Variants in MTDH observed in about 807,000 individuals in gnomAD.
MTDH encodes the protein protein LYRIC.
Under a neutral mutation model 72.7 loss-of-function variants are expected in MTDH, and 34 were observed. That is an observed-to-expected ratio of 0.47 (90% CI 0.36 to 0.62). The LOEUF (loss-of-function observed/expected upper bound fraction) is 0.62, where lower values mean the gene tolerates loss of function less well. MTDH is among the 20% of genes least tolerant of loss of function. MTDH has a pLI of 0.00. For synonymous variants in MTDH, 266 were observed against 268.9 expected (o/e 0.99, Z 0.10); for missense variants, 677 against 699.4 (o/e 0.97, Z 0.36).
intron 2 of MTDH, among the ~76,000 whole-genome samples, chr8:97,668,021 C>T (rs1411529880): frequency 6.6e-6 from 1 of 152,030 alleles, no homozygotes; most frequent in East Asian, 1.9e-4. Flanking sequence ...GGCGCGGTGG[C>T]TCACGCCTGT....
chr8:97,722,910 C>T lies in MTDH; in HGVS notation c.1553C>T (p.Thr518Ile). Residue 518 changes from threonine (T) to isoleucine (I), a missense_variant, in exon 11 of 12, where the codon ACC (threonine) becomes ATC (isoleucine). By Grantham distance (89) the Thr-to-Ile change is moderately conservative. Coordinates refer to ENST00000336273, the MANE Select transcript of MTDH (RefSeq NM_178812.4). Reference sequence around the variant, plus strand: ...AAGACTCTTCCACCTGCTACTTCTACCGAGCCATCTGTAATCTTATCAAAA... The same window carrying T: ...AAGACTCTTCCACCTGCTACTTCTATCGAGCCATCTGTAATCTTATCAAAA... ...PIKTLPPATS[T>I]EPSVILSKSD... 3 of 1,613,426 alleles carry T rather than the reference C, an allele frequency of 1.9e-6. No homozygotes were observed. The highest frequency in any genetic ancestry group is 2.5e-6 in the Non-Finnish European group (3 of 1,179,730).
intron 1 of MTDH, among the ~76,000 whole-genome samples, chr8:97,652,119 C>A (rs893253297): frequency 1.3e-5 from 2 of 152,230 alleles, no homozygotes; most frequent in Non-Finnish European, 2.9e-5. Context: ...CCAGTCCTTT[C>A]TCAACGCACT....
chr8:97,717,660 T>A, intron 9 of MTDH, among the ~76,000 whole-genome samples: 1 of 137,952 alleles, frequency 7.2e-6, no homozygotes. Flanking sequence ...AAAGCTTATG[T>A]GAGTTTTTAG....
intron 9 of MTDH, among the ~76,000 whole-genome samples, chr8:97,716,030 T>A (rs1003314418): frequency 3.3e-5 from 5 of 152,140 alleles, no homozygotes; most frequent in African/African-American, 9.7e-5. Context: ...ATTGCATAGG[T>A]TGTTTTGAGA....
intron 2 of MTDH, among the ~76,000 whole-genome samples, chr8:97,676,900 G>A (rs1414739410): frequency 6.7e-6 from 1 of 149,866 alleles, no homozygotes; most frequent in African/African-American, 2.5e-5. Flanking sequence ...AGCTACTCAG[G>A]AGGCTGAGAC....
chr8:97,661,905 C>T (rs896997459), intron 2 of MTDH, among the ~76,000 whole-genome samples: 1 of 140,510 alleles, frequency 7.1e-6, no homozygotes, highest in African/African-American at 2.7e-5. Context: ...CCTGGGCACC[C>T]GAGACCCTGT....
chr8:97,699,732 T>C, intron 6 of MTDH, 22 bp from the exon 7 acceptor site: 2 of 1,448,598 alleles, frequency 1.4e-6, no homozygotes, highest in South Asian at 1.1e-5. Flanking sequence ...TTTAATTTTA[T>C]TGCATTCGTT....
Position 97,728,319 on chromosome 8 carries a change from T to C in MTDH, c.*3649T>C, listed in dbSNP as rs1257209275. The C allele has an allele frequency of 6.6e-6, 1 of 152,236 alleles. No homozygotes were observed. Among genetic ancestry groups the C allele is most frequent in the Non-Finnish European group, 1.5e-5 (1 of 68,042 alleles). The allele number at this position is 152,236 out of a possible 1,614,324, so 9.4% of individuals were successfully genotyped here. On this transcript the variant is annotated 3_prime_UTR_variant, in exon 12 of 12. Transcript: ENST00000336273. ...GTGGGGAGGGACTTTGTCAGTCATT[T>C]TGCATCTTAAGCTAGACTAAACTTT...
At chr8:97,677,491 A>G (rs1479010511) in intron 2 of MTDH, among the ~76,000 whole-genome samples, 2 of 136,750 alleles carry the variant, frequency 1.5e-5, no homozygotes, top group African/African-American at 3.0e-5. Flanking sequence ...ACTCCATCTC[A>G]AAAAAAAAAA....
intron 10 of MTDH, among the ~76,000 whole-genome samples, chr8:97,722,474 C>T (rs1193594396): frequency 2.6e-5 from 4 of 152,032 alleles, no homozygotes; most frequent in African/African-American, 4.8e-5. Flanking sequence ...TGGTGGCACA[C>T]GCCTGTAGTC....
At chr8:97,704,998 A>C (rs766832507) in intron 7 of MTDH, among the ~76,000 whole-genome samples, 1 of 152,220 alleles carries the variant, frequency 6.6e-6, no homozygotes, top group Non-Finnish European at 1.5e-5. Context: ...ACTGAAGTGC[A>C]TATAAAAGAA....
intron 1 of MTDH, among the ~76,000 whole-genome samples, chr8:97,652,133 AAT>A (rs1811797653): frequency 6.6e-6 from 1 of 152,218 alleles, no homozygotes; most frequent in Admixed American, 6.5e-5. Context: ...ACGCACTAGT[AAT>A]GAGTTTTTTC....
chr8:97,720,197 A>T (rs1815056457), intron 10 of MTDH, among the ~76,000 whole-genome samples: 1 of 152,196 alleles, frequency 6.6e-6, no homozygotes, highest in Non-Finnish European at 1.5e-5. Context: ...AGGCAGGAGA[A>T]TCACTTGAAC....
intron 2 of MTDH, among the ~76,000 whole-genome samples, chr8:97,679,793 G>A (rs1195551995): frequency 6.6e-6 from 1 of 152,090 alleles, no homozygotes; most frequent in Non-Finnish European, 1.5e-5. Context: ...TTAACCCGCT[G>A]TTACAAGAGT....
chr8:97,648,657 C>T (rs767276395), intron 1 of MTDH, among the ~76,000 whole-genome samples: 8 of 152,236 alleles, frequency 5.3e-5, no homozygotes, highest in South Asian at 2.1e-4. Context: ...CCTCACCCAG[C>T]TCAAAAATTT....
In MTDH at chr8:97,719,031, G is replaced by T; in HGVS notation, c.1381-18G>T. ...AATGAATGCTTTATATAATCTAATAGGTTATTTTTCTCTATAGGACACAGA... is the reference window on the plus strand; with the variant it reads ...AATGAATGCTTTATATAATCTAATATGTTATTTTTCTCTATAGGACACAGA... On this transcript the variant is annotated intron_variant, in intron 9 of 11. Coordinates refer to ENST00000336273, the MANE Select transcript of MTDH (RefSeq NM_178812.4). 6.4e-7 allele frequency: 1 copy of T among 1,571,198 alleles called. No homozygotes were observed. The highest frequency in any genetic ancestry group is 8.7e-7 in the Non-Finnish European group (1 of 1,155,528).
At chr8:97,719,335 A>G in intron 10 of MTDH, 146 bp downstream of exon 10, 1 of 765,644 alleles carries the variant, frequency 1.3e-6, no homozygotes, top group South Asian at 2.0e-5. Flanking sequence ...TCTACTAAAA[A>G]TACAAAAATT....
intron 6 of MTDH, among the ~76,000 whole-genome samples, chr8:97,699,130 A>G (rs940543889): frequency 1.5e-4 from 23 of 152,190 alleles, no homozygotes; most frequent in Admixed American, 1.3e-3. Context: ...TCTACAAAAA[A>G]TACAAAAATT....
intron 2 of MTDH, among the ~76,000 whole-genome samples, chr8:97,679,514 A>G (rs1250213883): frequency 2.0e-5 from 3 of 152,206 alleles, no homozygotes; most frequent in Admixed American, 6.5e-5. Context: ...GTCGTATTTC[A>G]GTAAGCATGG....
Sources: allele counts gnomAD v4.1 joint callset (sites outside exome capture counted in the v4.1 genomes callset), GRCh38; gene constraint gnomAD v4.1.1; transcripts MANE v1.5; gene names NCBI Gene and HGNC (gene_info 2026-07-23, HGNC 2026-07-21).